The following ZCCHC4 variants were observed in gnomAD, a reference collection of about 807,000 sequenced individuals.
ZCCHC4 encodes zinc finger CCHC-type containing 4, also known as rRNA N(6)-adenosine-methyltransferase ZCCHC4.
Under a neutral mutation model 67.7 loss-of-function variants are expected in ZCCHC4, and 54 were observed. The ratio of observed to expected loss-of-function variants is 0.80; its 90% CI spans 0.64 to 1.00. ZCCHC4 has a LOEUF of 1.00. Among genes scored for constraint, ZCCHC4 ranks in the 50% least tolerant of loss-of-function variants. ZCCHC4 has a pLI of 0.00. For missense variants in ZCCHC4, 609 were observed against 617.0 expected (o/e 0.99, Z 0.14); for synonymous variants, 198 against 213.5 (o/e 0.93, Z 0.63).
chr4:25,326,663 C>T (rs62410552), intron 3 of ZCCHC4, among the ~76,000 whole-genome samples: 4 of 151,818 alleles, frequency 2.6e-5, no homozygotes, highest in Non-Finnish European at 5.9e-5. Context: ...AAGTTGTTTC[C>T]GCTATTATAG....
chr4:25,313,002 C>G, intron 1 of ZCCHC4, 66 bp downstream of exon 1: 1 of 1,578,290 alleles, frequency 6.3e-7, no homozygotes, highest in Non-Finnish European at 8.6e-7. Context: ...TTGGAAGTGG[C>G]TTTTGGGGCT....
At chr4:25,323,717 T>C (rs972766425) in intron 3 of ZCCHC4, among the ~76,000 whole-genome samples, 3 of 152,168 alleles carry the variant, frequency 2.0e-5, no homozygotes, top group Non-Finnish European at 2.9e-5. Flanking sequence ...AATTCACTTT[T>C]CCCCCATCAT....
At chr4:25,345,407 A>C in intron 5 of ZCCHC4, 141 bp from the exon 6 acceptor site, 1 of 623,882 alleles carries the variant, frequency 1.6e-6, no homozygotes, top group South Asian at 1.9e-5. Context: ...GATTCCCTGA[A>C]ATTTTTGCAA....
intron 6 of ZCCHC4, among the ~76,000 whole-genome samples, chr4:25,345,869 T>C (rs547811331): frequency 6.6e-6 from 1 of 152,318 alleles, no homozygotes; most frequent in Admixed American, 6.5e-5. Flanking sequence ...GGGCTCTGTG[T>C]GATCTGACCC....
At position 25,314,029 on chromosome 4, in the gene ZCCHC4, T is replaced by TTTC. The variant is rs776687298; in HGVS notation, c.128-16_128-15insTCT. 1 of 1,477,854 alleles carries TTTC rather than the reference T, an allele frequency of 6.8e-7. No homozygotes were observed. The highest frequency in any genetic ancestry group is 9.2e-7 in the Non-Finnish European group (1 of 1,086,632). The allele number at this position is 1,477,854 out of a possible 1,614,324, so 91.5% of individuals were successfully genotyped here. A position where few individuals can be genotyped will look rare whatever the true frequency, so the allele number is the denominator to read the frequency against. The stretch of plus-strand genomic sequence containing the variant: ...ATTACTTGACACTTTTTTTTTTTTT[T>TTTC]TCTATTCTGGAACTAGGACCCACTC... On this transcript the variant is annotated splice_polypyrimidine_tract_variant and intron_variant, in intron 1 of 12. Coordinates refer to ENST00000302874, the MANE Select transcript of ZCCHC4 (RefSeq NM_024936.3).
In ZCCHC4 at chr4:25,359,365, G is replaced by A. The variant is rs904022109; in HGVS notation, c.1012-2494G>A. 3.3e-5 allele frequency among the ~76,000 whole-genome samples: 5 copies of A among 152,140 alleles called. No homozygotes were observed. Among genetic ancestry groups the A allele is most frequent in the Admixed American group, 6.5e-5 (1 of 15,278 alleles). On this transcript the variant is annotated intron_variant, in intron 8 of 12. Transcript: ENST00000302874. The surrounding 1 kb of genome is among the most constrained non-coding windows in gnomAD (Gnocchi z 4.9). Reference sequence around the variant, plus strand: ...GGCCTGGCTACACAGCTCAGAAAAAGAGTTAGAAGCTGCCATGAATGGGGA... The same window carrying A: ...GGCCTGGCTACACAGCTCAGAAAAAAAGTTAGAAGCTGCCATGAATGGGGA...
intron 8 of ZCCHC4, among the ~76,000 whole-genome samples, chr4:25,360,543 T>A (rs901216555): frequency 2.6e-5 from 4 of 152,208 alleles, no homozygotes; most frequent in Non-Finnish European, 5.9e-5. Context: ...ACATTGTGCA[T>A]ACGACTTGCC....
chr4:25,316,221 C>T (rs1400830710), intron 3 of ZCCHC4, among the ~76,000 whole-genome samples: 1 of 152,184 alleles, frequency 6.6e-6, no homozygotes, highest in Non-Finnish European at 1.5e-5. Flanking sequence ...AAAATCTGTT[C>T]ATCTGTTGAT....
At chr4:25,340,947 G>A (rs1466799403) in intron 5 of ZCCHC4, among the ~76,000 whole-genome samples, 2 of 152,018 alleles carry the variant, frequency 1.3e-5, no homozygotes, top group African/African-American at 4.8e-5. Context: ...TCATTATGAA[G>A]ATGAAGACCT....
intron 3 of ZCCHC4, among the ~76,000 whole-genome samples, chr4:25,322,547 C>A (rs1312250682): frequency 6.6e-6 from 1 of 152,092 alleles, no homozygotes. Flanking sequence ...CAGAGCCCCA[C>A]TGTGTCACCC....
chr4:25,338,941 C>A (rs1719599832), intron 5 of ZCCHC4, among the ~76,000 whole-genome samples: 1 of 152,058 alleles, frequency 6.6e-6, no homozygotes, highest in Non-Finnish European at 1.5e-5. Context: ...AACAAAATAC[C>A]ACAGACTATG....
chr4:25,324,014 G>GTTTTTTTTTTGTTTTTTTTTTTTTT (rs1718724938), intron 3 of ZCCHC4, among the ~76,000 whole-genome samples: 2 of 82,438 alleles, frequency 2.4e-5, no homozygotes, highest in Admixed American at 1.7e-4. Context: ...TGTTTTTTGT[G>GTTTTTTTTTTGTTTTTTTTTTTTTT]TTTTTTTTTT....
At chr4:25,328,608 A>G (rs1044173502) in intron 3 of ZCCHC4, among the ~76,000 whole-genome samples, 6 of 145,266 alleles carry the variant, frequency 4.1e-5, no homozygotes, top group Admixed American at 2.0e-4. Context: ...TAGAGAAAGG[A>G]TCTTGCTCTG....
intron 3 of ZCCHC4, among the ~76,000 whole-genome samples, chr4:25,321,213 T>A (rs771057939): frequency 6.6e-6 from 1 of 152,132 alleles, no homozygotes; most frequent in Non-Finnish European, 1.5e-5. Context: ...TTGCTGCCGC[T>A]CTTTCTTCCT....
intron 3 of ZCCHC4, among the ~76,000 whole-genome samples, chr4:25,332,849 G>T (rs1163746090): frequency 6.6e-6 from 1 of 152,204 alleles, no homozygotes; most frequent in African/African-American, 2.4e-5. Context: ...ATGTGGATTT[G>T]TCAATAAATT....
intron 1 of ZCCHC4, among the ~76,000 whole-genome samples, chr4:25,313,568 A>G (rs1458545948): frequency 1.3e-5 from 2 of 152,202 alleles, no homozygotes; most frequent in East Asian, 3.8e-4. Flanking sequence ...TAACAGAGAG[A>G]AAAGAAACAT....
At chr4:25,347,546 T>C (rs1720082320) in intron 6 of ZCCHC4, among the ~76,000 whole-genome samples, 1 of 152,234 alleles carries the variant, frequency 6.6e-6, no homozygotes, top group Admixed American at 6.5e-5. Flanking sequence ...CCCATTGTTT[T>C]AATGATTTTA....
intron 5 of ZCCHC4, among the ~76,000 whole-genome samples, chr4:25,340,006 C>G (rs1719658913): frequency 6.6e-6 from 1 of 151,942 alleles, no homozygotes; most frequent in African/African-American, 2.4e-5. Flanking sequence ...GTAGCTGGAA[C>G]TACAGGCGCC....
chr4:25,319,364 G>A (rs1172098418), intron 3 of ZCCHC4, among the ~76,000 whole-genome samples: 12 of 151,862 alleles, frequency 7.9e-5, no homozygotes, highest in Admixed American at 6.6e-5. Flanking sequence ...CAGCCTGGGC[G>A]AGAGAGCGAG....
Sources: gnomAD v4.1 joint callset for allele counts (sites outside exome capture counted in the v4.1 genomes callset) on GRCh38, gnomAD v4.1.1 for gene constraint, Gnocchi (gnomAD v3.1) non-coding constraint, MANE v1.5 for transcripts, NCBI Gene and HGNC (gene_info 2026-07-23, HGNC 2026-07-21) for gene names.